SATL1: variants seen among roughly 807,000 people sequenced by gnomAD.
The protein encoded by SATL1 is spermidine/spermine N(1)-acetyltransferase-like protein 1.
A neutral mutation model predicts 51.8 loss-of-function variants in SATL1; 47 were observed. The observed-to-expected ratio is 0.91, with a 90% CI of 0.72 to 1.16. The LOEUF is 1.16. Ranked by LOEUF, SATL1 falls within the 50% of genes most tolerant of loss-of-function variation. The pLI is 0.00. For synonymous variants in SATL1, 176 were observed against 182.4 expected (o/e 0.97, Z 0.28); for missense variants, 520 against 526.4 (o/e 0.99, Z 0.12).
At chrX:85,155,979 A>G (rs1286675400) in intron 2 of SATL1, among the ~76,000 whole-genome samples, 1 of 111,827 alleles carries the variant, frequency 8.9e-6, no homozygotes, top group Non-Finnish European at 1.9e-5. Context: ...AAAGGAATGA[A>G]TAGATGGACA....
At chrX:85,104,251 T>C (rs1188012699) in intron 3 of SATL1, among the ~76,000 whole-genome samples, 1 of 111,933 alleles carries the variant, frequency 8.9e-6, no homozygotes, top group Non-Finnish European at 1.9e-5. Flanking sequence ...ATAAAGTTTA[T>C]GTATTATGAA....
intron 2 of SATL1, among the ~76,000 whole-genome samples, chrX:85,127,144 C>G (rs757061242): frequency 1.8e-4 from 20 of 110,825 alleles, no homozygotes; most frequent in African/African-American, 6.5e-4. Flanking sequence ...AATTTATAGT[C>G]AAAAGACTTG....
In SATL1 at chrX:85,109,261, G is replaced by A. The variant is rs1925196890; in HGVS notation, c.-293C>T. 1 of 356,004 alleles carries A rather than the reference G, an allele frequency of 2.8e-6. No homozygotes were observed. Among genetic ancestry groups the A allele is most frequent in the Non-Finnish European group, 4.9e-6 (1 of 205,329 alleles). 29.3% of individuals were successfully genotyped at this position (356,004 alleles called of 1,213,427 possible). On this transcript the variant is annotated 5_prime_UTR_variant, in exon 3 of 8. Transcript: ENST00000644105. The stretch of plus-strand genomic sequence containing the variant: ...CAGCTGCAAGCTTGGCTGAGTTTCA[G>A]GTTGTCATCTGGCCTTTCCCTGCCA...
At chrX:85,127,960 A>G (rs1044981247) in intron 2 of SATL1, among the ~76,000 whole-genome samples, 1 of 105,548 alleles carries the variant, frequency 9.5e-6, no homozygotes, top group African/African-American at 3.7e-5. Context: ...CCATGGCGCT[A>G]CAAAGGACAA....
intron 2 of SATL1, among the ~76,000 whole-genome samples, chrX:85,116,598 C>T (rs1273494140): frequency 9.0e-6 from 1 of 111,503 alleles, no homozygotes; most frequent in African/African-American, 3.3e-5. Context: ...TTAGACTCCA[C>T]CATTTTGCCT....
chrX:85,154,632 C>T (rs1273391985), intron 2 of SATL1, among the ~76,000 whole-genome samples: 6 of 112,256 alleles, frequency 5.3e-5, no homozygotes, highest in African/African-American at 1.3e-4. Flanking sequence ...GGTTACAGGC[C>T]TAACTCTGAA....
At chrX:85,118,953 C>T (rs1925446158) in intron 2 of SATL1, among the ~76,000 whole-genome samples, 1 of 111,514 alleles carries the variant, frequency 9.0e-6, no homozygotes, top group Non-Finnish European at 1.9e-5. Context: ...TATCATTAGT[C>T]TTCCACAGAT....
At chrX:85,235,201 C>A (rs1049629899) in intron 1 of SATL1, among the ~76,000 whole-genome samples, 7 of 110,384 alleles carry the variant, frequency 6.3e-5, no homozygotes, top group Non-Finnish European at 1.1e-4. Flanking sequence ...ACTACAGCAC[C>A]CAGATACATA....
At chrX:85,150,566 A>G (rs1386711737) in intron 2 of SATL1, among the ~76,000 whole-genome samples, 1 of 111,317 alleles carries the variant, frequency 9.0e-6, no homozygotes, top group East Asian at 2.8e-4. Context: ...AAAATCCTCA[A>G]TAAAATACTG....
intron 2 of SATL1, among the ~76,000 whole-genome samples, chrX:85,158,407 C>T (rs1043995428): frequency 1.8e-5 from 2 of 111,852 alleles, no homozygotes; most frequent in African/African-American, 6.5e-5. Context: ...CCAATACATT[C>T]TGTAAATCTT....
chrX:85,212,448 A>C (rs1273400437), intron 2 of SATL1, among the ~76,000 whole-genome samples: 1 of 111,472 alleles, frequency 9.0e-6, no homozygotes, highest in Admixed American at 9.5e-5. Flanking sequence ...CAAGAACCCT[A>C]GTTTGAGTGA....
chrX:85,122,023 TAA>T (rs371866938), intron 2 of SATL1, among the ~76,000 whole-genome samples: 3 of 97,124 alleles, frequency 3.1e-5, no homozygotes, highest in African/African-American at 7.4e-5. Context: ...ACTAAATAGG[TAA>T]AAAAAAAAAA....
At position 85,105,637 on chromosome X, in the gene SATL1, A is replaced by G. The variant is rs769513769; in HGVS notation, c.1641+1691T>C. Among the ~76,000 whole-genome samples the G allele has an allele frequency of 3.6e-5, 4 of 111,536 alleles. 1 individual carries two copies. In the South Asian group the frequency reaches 1.5e-3, roughly 42 times the overall value. ...TGAGAATAGTATAAAATGAGTTCAT[A>G]CAGAGGATACTTGGAATGGGACAGT... is the stretch of plus-strand genomic sequence containing the variant. On this transcript the variant is annotated intron_variant, in intron 3 of 7. Transcript: ENST00000644105.
At chrX:85,166,222 G>T (rs1348896152) in intron 2 of SATL1, among the ~76,000 whole-genome samples, 3 of 111,543 alleles carry the variant, frequency 2.7e-5, no homozygotes, top group African/African-American at 6.5e-5. Context: ...CTTAGGCAAA[G>T]AATTAATGAC....
chrX:85,131,356 G>T (rs1043551464), intron 2 of SATL1, among the ~76,000 whole-genome samples: 1 of 111,787 alleles, frequency 8.9e-6, no homozygotes, highest in African/African-American at 3.3e-5. Context: ...ATATATTTAG[G>T]ATAGTTAGCT....
At chrX:85,161,875 G>A (rs12012643) in intron 2 of SATL1, among the ~76,000 whole-genome samples, 15,231 of 110,587 alleles carry the variant, frequency 0.14, 2,457 homozygotes, top group African/African-American at 0.46. Flanking sequence ...TCTAATTGCC[G>A]CATGTCACAT....
intron 2 of SATL1, among the ~76,000 whole-genome samples, chrX:85,133,350 A>C (rs1429656195): frequency 8.9e-6 from 1 of 111,815 alleles, no homozygotes; most frequent in African/African-American, 3.3e-5. Context: ...ATACCTACTC[A>C]AGCCTCAGCA....
At chrX:85,223,535 T>A (rs899422367) in intron 2 of SATL1, among the ~76,000 whole-genome samples, 1 of 111,084 alleles carries the variant, frequency 9.0e-6, no homozygotes, top group Non-Finnish European at 1.9e-5. Context: ...GAAATGATAT[T>A]GCATCATCCG....
intron 2 of SATL1, among the ~76,000 whole-genome samples, chrX:85,115,531 C>T (rs1246762694): frequency 8.9e-6 from 1 of 112,095 alleles, no homozygotes; most frequent in Non-Finnish European, 1.9e-5. Context: ...AGGGGATATC[C>T]ACAGAGGAGC....
Sources: allele counts gnomAD v4.1 joint callset (sites outside exome capture counted in the v4.1 genomes callset), GRCh38; gene constraint gnomAD v4.1.1; transcripts MANE v1.5; gene names NCBI Gene and HGNC (gene_info 2026-07-23, HGNC 2026-07-21).